CBLN2: variants seen among roughly 807,000 people sequenced by gnomAD.
CBLN2 encodes the protein cerebellin-2.
CBLN2 carries 7 observed loss-of-function variants against 15.0 expected under a neutral mutation model. The observed-to-expected ratio is 0.47, with a 90% CI of 0.27 to 0.88. The LOEUF (loss-of-function observed/expected upper bound fraction) is 0.88, where lower values mean the gene tolerates loss of function less well. CBLN2 is among the 40% of genes least tolerant of loss of function. The probability of loss-of-function intolerance (pLI) is 0.14; values close to 1 mark genes in which losing one functional copy is unlikely to be tolerated. For missense variants in CBLN2, 242 were observed against 304.5 expected (o/e 0.79, Z 1.53); for synonymous variants, 149 against 135.2 (o/e 1.10, Z -0.71).
intron 1 of CBLN2, among the ~76,000 whole-genome samples, chr18:72,584,316 T>TC (rs561535580): frequency 7.2e-5 from 11 of 152,058 alleles, no homozygotes; most frequent in Admixed American, 7.2e-4. Context: ...CCAATCCTTT[T>TC]TTTTTTTTTC....
chr18:72,570,996 ATATAT>A (rs1365385312), intron 1 of CBLN2, among the ~76,000 whole-genome samples: 2 of 152,114 alleles, frequency 1.3e-5, no homozygotes, highest in Non-Finnish European at 2.9e-5. Flanking sequence ...ATCTCTCTCT[ATATAT>A]TATATTTGTT....
At chr18:72,551,908 T>C (rs2069194095) in intron 1 of CBLN2, among the ~76,000 whole-genome samples, 1 of 152,170 alleles carries the variant, frequency 6.6e-6, no homozygotes, top group Non-Finnish European at 1.5e-5. Flanking sequence ...TTTTCTTTTG[T>C]GATTTTGAGA....
intron 1 of CBLN2, among the ~76,000 whole-genome samples, chr18:72,565,122 CA>C (rs1161620749): frequency 6.6e-6 from 1 of 152,074 alleles, no homozygotes; most frequent in East Asian, 1.9e-4. Flanking sequence ...ATCAGCATTA[CA>C]AAAAGTGTTT....
At chr18:72,571,983 T>C (rs1344602528) in intron 1 of CBLN2, among the ~76,000 whole-genome samples, 1 of 152,216 alleles carries the variant, frequency 6.6e-6, no homozygotes, top group Non-Finnish European at 1.5e-5. Flanking sequence ...GAATATACAA[T>C]ACAATTTATC....
intron 1 of CBLN2, among the ~76,000 whole-genome samples, chr18:72,610,954 C>T (rs1312980795): frequency 6.6e-6 from 1 of 152,032 alleles, no homozygotes; most frequent in African/African-American, 2.4e-5. Flanking sequence ...TGTGAGTACC[C>T]CCTATTTAGC....
chr18:72,638,329 T>A, exon 1 of CBLN2: 1 of 398,584 alleles, frequency 2.5e-6, no homozygotes. Context: ...ACGTACCTTG[T>A]CCCAATCCAT....
chr18:72,594,665 T>C (rs551651754), intron 1 of CBLN2, among the ~76,000 whole-genome samples: 1 of 152,192 alleles, frequency 6.6e-6, no homozygotes, highest in Non-Finnish European at 1.5e-5. Flanking sequence ...AGTCCTGTGG[T>C]TTTCTTTGTT....
At chr18:72,555,694 A>G (rs984362056) in intron 1 of CBLN2, among the ~76,000 whole-genome samples, 2 of 152,152 alleles carry the variant, frequency 1.3e-5, no homozygotes, top group Non-Finnish European at 2.9e-5. Context: ...CCTTCTCTCT[A>G]CAGAAACTGG....
intron 3 of CBLN2, chr18:72,539,771 C>A (rs971353592): frequency 2.6e-5 from 4 of 152,124 alleles, no homozygotes; most frequent in African/African-American, 9.7e-5. Context: ...TCTCCATCCT[C>A]CTCATCCATA....
In CBLN2 at chr18:72,591,750, T is replaced by C. The variant is rs190547431; in HGVS notation, c.15+46575A>G. Among the ~76,000 whole-genome samples the C allele has an allele frequency of 2.2e-3, 339 of 152,300 alleles. 1 individual carries two copies. The highest frequency in any genetic ancestry group is 7.8e-3 in the African/African-American group (324 of 41,574). ...ACAAATAAGTGAGACCATACAAAGT[T>C]TGTCTTTCTGTGCCTGGTTTATTTC... On this transcript the variant is annotated intron_variant, in intron 1 of 2. Coordinates refer to the CBLN2 transcript ENST00000581073.
At chr18:72,612,720 T>C (rs901265611) in intron 1 of CBLN2, among the ~76,000 whole-genome samples, 1 of 152,226 alleles carries the variant, frequency 6.6e-6, no homozygotes, top group African/African-American at 2.4e-5. Context: ...CTTACCTTTA[T>C]CCAGAAGTTT....
intron 1 of CBLN2, among the ~76,000 whole-genome samples, chr18:72,632,973 G>T (rs747021034): frequency 6.6e-6 from 1 of 152,106 alleles, no homozygotes; most frequent in African/African-American, 2.4e-5. Context: ...ACAAACGAAT[G>T]CAATGTGATT....
At chr18:72,539,493 C>T (rs2069093012) in intron 3 of CBLN2, 1 of 152,204 alleles carries the variant, frequency 6.6e-6, no homozygotes, top group South Asian at 2.1e-4. Context: ...TTGCCTGAGC[C>T]ATGGTGCCCT....
At chr18:72,545,923 G>A (rs987492747), upstream of CBLN2, among the ~76,000 whole-genome samples, 3 of 152,200 alleles carry the variant, frequency 2.0e-5, no homozygotes, top group African/African-American at 7.2e-5. Flanking sequence ...CACTTTCTAT[G>A]TGGCAACATA....
At chr18:72,613,319 C>G (rs553354566) in intron 1 of CBLN2, among the ~76,000 whole-genome samples, 1 of 152,128 alleles carries the variant, frequency 6.6e-6, no homozygotes, top group Non-Finnish European at 1.5e-5. Flanking sequence ...CTCTATAGTG[C>G]CCAGACCAGT....
intron 1 of CBLN2, among the ~76,000 whole-genome samples, chr18:72,611,077 T>C (rs1442892939): frequency 1.3e-5 from 2 of 152,212 alleles, no homozygotes; most frequent in Non-Finnish European, 2.9e-5. Flanking sequence ...TTATTTCATA[T>C]TTTTTATGGC....
At chr18:72,637,131 T>A (rs2069818599) in intron 1 of CBLN2, among the ~76,000 whole-genome samples, 1 of 152,108 alleles carries the variant, frequency 6.6e-6, no homozygotes, top group Non-Finnish European at 1.5e-5. Context: ...TATTTTCCTC[T>A]TATATGAATT....
intron 3 of CBLN2, among the ~76,000 whole-genome samples, chr18:72,540,946 T>C (rs1426204062): frequency 6.6e-6 from 1 of 152,212 alleles, no homozygotes; most frequent in Non-Finnish European, 1.5e-5. Flanking sequence ...ACCTCTATAA[T>C]GTTTTTAATT....
chr18:72,558,222 G>A (rs2069238802), intron 1 of CBLN2, among the ~76,000 whole-genome samples: 1 of 152,162 alleles, frequency 6.6e-6, no homozygotes, highest in Non-Finnish European at 1.5e-5. Flanking sequence ...CTAAGGTTAG[G>A]CACATGGGGG....
Sources: gnomAD v4.1 joint callset for allele counts (sites outside exome capture counted in the v4.1 genomes callset) on GRCh38, gnomAD v4.1.1 for gene constraint, MANE v1.5 for transcripts, NCBI Gene and HGNC (gene_info 2026-07-23, HGNC 2026-07-21) for gene names.